The following AAK1 variants were observed in gnomAD, a reference collection of about 807,000 sequenced individuals.
The protein encoded by AAK1 is AP2-associated protein kinase 1.
AAK1 carries 37 observed loss-of-function variants against 116.0 expected under a neutral mutation model. The observed-to-expected ratio is 0.32, with a 90% CI of 0.25 to 0.42. The LOEUF is 0.42. Among genes scored for constraint, AAK1 ranks in the 10% least tolerant of loss-of-function variants. The pLI, the probability that AAK1 is intolerant of heterozygous loss-of-function variation, is 1.00. For missense variants in AAK1, 919 were observed against 1,170.6 expected, an observed-to-expected ratio of 0.79 and a Z score of 3.14; for synonymous variants, 458 against 439.9, an observed-to-expected ratio of 1.04 and a Z score of -0.51.
chr2:69,507,505 T>C lies in AAK1; in HGVS notation c.2080A>G (p.Thr694Ala), dbSNP rs1396420658. 7 of 1,612,698 alleles carry C rather than the reference T, an allele frequency of 4.3e-6. No individual in the cohort carries two copies. Among genetic ancestry groups the C allele is most frequent in the Non-Finnish European group, 5.9e-6 (7 of 1,179,344 alleles). ...TTATCGTCATCAAAGGGATTCCACG[T>C]AGACCCTTCTGAAGGATTATAAACG... ...QNVYNPSEGS[T>A]WNPFDDDNFS... The change falls in exon 15 of 22, where the codon ACG (threonine) becomes GCG (alanine). Residue 694 changes from threonine (T) to alanine (A), a missense_variant. By Grantham distance (58) the Thr-to-Ala change is moderately conservative. Transcript: ENST00000409085.
At chr2:69,506,694 A>G (rs1676197875) in intron 15 of AAK1, among the ~76,000 whole-genome samples, 1 of 152,216 alleles carries the variant, frequency 6.6e-6, no homozygotes, top group African/African-American at 2.4e-5. Context: ...ATAAAATGAT[A>G]GTTAAAGCCA....
chr2:69,639,013 T>C (rs1414911493), intron 2 of AAK1, among the ~76,000 whole-genome samples: 5 of 152,232 alleles, frequency 3.3e-5, no homozygotes, highest in African/African-American at 1.2e-4. Flanking sequence ...AATGGAATTT[T>C]TGGTGATTTC....
intron 16 of AAK1, among the ~76,000 whole-genome samples, chr2:69,499,356 C>A (rs532985160): frequency 1.3e-5 from 2 of 152,348 alleles, no homozygotes; most frequent in East Asian, 3.9e-4. Flanking sequence ...CCCAACTCCT[C>A]ATTCAAACCG....
Position 69,465,741 on chromosome 2 carries a change from C to G in AAK1, c.*10128G>C, listed in dbSNP as rs536007779. The G allele has an allele frequency of 1.5e-6, 2 of 1,290,898 alleles. No homozygotes were observed. Among genetic ancestry groups the G allele is most frequent in the African/African-American group, 3.0e-5 (2 of 65,956 alleles). The allele number at this position is 1,290,898 out of a possible 1,614,324, so 80.0% of individuals were successfully genotyped here. A position where few individuals can be genotyped will look rare whatever the true frequency, so the allele number is the denominator to read the frequency against. The stretch of plus-strand genomic sequence containing the variant: ...ATTAGAATGACCCCCAGATTCCAGG[C>G]AGGATCCCCTGGGAGAGATGCTGTC... On this transcript the variant is annotated 3_prime_UTR_variant, in exon 22 of 22. Transcript: ENST00000409085.
intron 2 of AAK1, chr2:69,598,871 G>GA (rs1558991820): frequency 2.9e-5 from 8 of 280,630 alleles, no homozygotes; most frequent in Non-Finnish European, 4.3e-5. Flanking sequence ...ACTCAGATGT[G>GA]TGATTGCAGC....
intron 16 of AAK1, among the ~76,000 whole-genome samples, chr2:69,501,170 T>G (rs1457868709): frequency 6.6e-6 from 1 of 152,190 alleles, no homozygotes; most frequent in Non-Finnish European, 1.5e-5. Context: ...TTTGGTCAAC[T>G]ATGTGGCACA....
chr2:69,595,755 C>T (rs960018652), intron 2 of AAK1, among the ~76,000 whole-genome samples: 1 of 152,220 alleles, frequency 6.6e-6, no homozygotes, highest in Non-Finnish European at 1.5e-5. Context: ...AACAGATTCT[C>T]AATGGAGATG....
At chr2:69,480,655 G>T (rs1007133447) in intron 19 of AAK1, among the ~76,000 whole-genome samples, 1 of 152,078 alleles carries the variant, frequency 6.6e-6, no homozygotes, top group South Asian at 2.1e-4. Flanking sequence ...AGAGAACATG[G>T]CTCCAAAAAG....
rs1674356547 is a variant in AAK1 at position 69,462,193 on chromosome 2, G to C, written c.*13676C>G. 8.6e-6 allele frequency: 1 copy of C among 116,502 alleles called. No individual in the cohort carries two copies. Among genetic ancestry groups the C allele is most frequent in the Non-Finnish European group, 1.6e-5 (1 of 61,736 alleles). The allele number at this position is 116,502 out of a possible 1,614,324, so 7.2% of individuals were successfully genotyped here. A position where few individuals can be genotyped will look rare whatever the true frequency, so the allele number is the denominator to read the frequency against. ...AGAGAACACATGGACACAGTAAGGG[G>C]AACATCACACTCTGGGGACTGTTGT... On this transcript the variant is annotated 3_prime_UTR_variant, in exon 22 of 22. Transcript: ENST00000409085.
intron 2 of AAK1, among the ~76,000 whole-genome samples, chr2:69,611,956 AG>A (rs1400408713): frequency 2.0e-5 from 3 of 152,220 alleles, no homozygotes; most frequent in Non-Finnish European, 2.9e-5. Flanking sequence ...GCAAATTCAT[AG>A]GGACAGAAAG....
intron 2 of AAK1, among the ~76,000 whole-genome samples, chr2:69,630,240 G>C (rs766066437): frequency 2.0e-5 from 3 of 151,298 alleles, no homozygotes; most frequent in Non-Finnish European, 4.4e-5. Context: ...CTTTCAAGAG[G>C]TGAGAGTTTA....
At chr2:69,488,031 T>C (rs1260235530) in intron 17 of AAK1, among the ~76,000 whole-genome samples, 1 of 152,050 alleles carries the variant, frequency 6.6e-6, no homozygotes, top group African/African-American at 2.4e-5. Context: ...CCTCAGGTGA[T>C]CCAAAGTGCT....
intron 2 of AAK1, among the ~76,000 whole-genome samples, chr2:69,572,802 T>G (rs1453588683): frequency 6.6e-6 from 1 of 152,158 alleles, no homozygotes; most frequent in African/African-American, 2.4e-5. Flanking sequence ...CCTCTCACTG[T>G]GCTTCCAAAA....
chr2:69,620,445 TTTC>T (rs1674554806), intron 2 of AAK1, among the ~76,000 whole-genome samples: 1 of 152,162 alleles, frequency 6.6e-6, no homozygotes, highest in Non-Finnish European at 1.5e-5. Flanking sequence ...GATCTCTCCC[TTTC>T]TTTTCTTATG....
chr2:69,641,126 CT>C (rs1675703923), intron 2 of AAK1, among the ~76,000 whole-genome samples: 1 of 152,184 alleles, frequency 6.6e-6, no homozygotes, highest in African/African-American at 2.4e-5. Flanking sequence ...CCAATTTTGC[CT>C]TTTCTTTTCC....
At chr2:69,579,092 C>T (rs1672438145) in intron 2 of AAK1, among the ~76,000 whole-genome samples, 1 of 152,162 alleles carries the variant, frequency 6.6e-6, no homozygotes, top group South Asian at 2.1e-4. Context: ...CTCTCTTTTA[C>T]AACTAGACAT....
At chr2:69,496,554 G>A (rs1572895592) in intron 16 of AAK1, among the ~76,000 whole-genome samples, 2 of 152,032 alleles carry the variant, frequency 1.3e-5, no homozygotes, top group South Asian at 2.1e-4. Context: ...ATGAGCCACC[G>A]CACCCAGCTC....
chr2:69,474,299 C>T lies in AAK1; in HGVS notation c.*1570G>A. ...ACAGATCTGATTAACTAAGAGTTTCCCTTTTGATGATGGACAATGGCACTA... is the reference window on the plus strand; with the variant it reads ...ACAGATCTGATTAACTAAGAGTTTCTCTTTTGATGATGGACAATGGCACTA... On this transcript the variant is annotated 3_prime_UTR_variant, in exon 22 of 22. Coordinates refer to ENST00000409085, the MANE Select transcript of AAK1 (RefSeq NM_014911.5). 1 of 985,764 alleles carries T rather than the reference C, an allele frequency of 1.0e-6. No homozygotes were observed. Among genetic ancestry groups the T allele is most frequent in the Non-Finnish European group, 1.2e-6 (1 of 829,920 alleles). 61.1% of individuals were successfully genotyped at this position (985,764 alleles called of 1,614,324 possible).
chr2:69,559,515 T>C (rs1162575709), intron 2 of AAK1, among the ~76,000 whole-genome samples: 1 of 152,210 alleles, frequency 6.6e-6, no homozygotes, highest in Non-Finnish European at 1.5e-5. Context: ...TGTATGTTCA[T>C]AATTGTTTTG....
Sources: gnomAD v4.1 joint callset for allele counts (sites outside exome capture counted in the v4.1 genomes callset) on GRCh38, gnomAD v4.1.1 for gene constraint, MANE v1.5 for transcripts, NCBI Gene and HGNC (gene_info 2026-07-23, HGNC 2026-07-21) for gene names.